Variants in SYNPR observed in about 807,000 individuals in gnomAD.
SYNPR encodes synaptoporin.
Under a neutral mutation model 32.9 loss-of-function variants are expected in SYNPR, and 23 were observed. The observed-to-expected ratio is 0.70, with a 90% CI of 0.50 to 0.99. The LOEUF (loss-of-function observed/expected upper bound fraction) is 0.99. Among genes scored for constraint, SYNPR ranks in the 50% least tolerant of loss-of-function variants. The pLI is 0.00. For synonymous variants in SYNPR, 146 were observed against 135.9 expected (o/e 1.07, Z -0.52); for missense variants, 318 against 349.3 (o/e 0.91, Z 0.71).
At chr3:63,333,376 G>C (rs578027582) in intron 2 of SYNPR, among the ~76,000 whole-genome samples, 73 of 151,810 alleles carry the variant, frequency 4.8e-4, no homozygotes, top group Non-Finnish European at 8.8e-5. Context: ...CAATTTCAAG[G>C]GAAGGAAAGG....
At chr3:63,390,624 G>A (rs538221794) in intron 2 of SYNPR, among the ~76,000 whole-genome samples, 4 of 152,340 alleles carry the variant, frequency 2.6e-5, no homozygotes, top group South Asian at 4.1e-4. Context: ...TGGGAAAAAC[G>A]TTTAATTCCT....
intron 2 of SYNPR, among the ~76,000 whole-genome samples, chr3:63,385,085 A>G (rs928310163): frequency 6.6e-6 from 1 of 152,036 alleles, no homozygotes; most frequent in Non-Finnish European, 1.5e-5. Flanking sequence ...CATCTACCCT[A>G]CTTTCTCAAT....
chr3:63,412,525 G>C (rs1238471073), intron 2 of SYNPR, among the ~76,000 whole-genome samples: 1 of 152,094 alleles, frequency 6.6e-6, no homozygotes, highest in Non-Finnish European at 1.5e-5. Flanking sequence ...ACATATAAAA[G>C]TCAATAGACA....
intron 2 of SYNPR, among the ~76,000 whole-genome samples, chr3:63,323,162 T>G (rs2087128937): frequency 6.6e-6 from 1 of 152,144 alleles, no homozygotes; most frequent in South Asian, 2.1e-4. Context: ...GGGGAAGAGC[T>G]TTTGATGTTT....
At chr3:63,522,823 G>T (rs1397557734) in intron 3 of SYNPR, among the ~76,000 whole-genome samples, 1 of 152,144 alleles carries the variant, frequency 6.6e-6, no homozygotes. Context: ...CTGAGCGGAG[G>T]CAGAGAAGAT....
At chr3:63,210,668 G>A in the SYNPR span, among the ~76,000 whole-genome samples, 1 of 152,158 alleles carries the variant, frequency 6.6e-6, no homozygotes, top group East Asian at 1.9e-4. Flanking sequence ...ATGAAGAGAA[G>A]AAGTAAAAAC....
At chr3:63,595,303 T>G (rs1448332330) in intron 4 of SYNPR, among the ~76,000 whole-genome samples, 2 of 152,118 alleles carry the variant, frequency 1.3e-5, no homozygotes, top group Non-Finnish European at 2.9e-5. Context: ...GCAAACTTGA[T>G]GGCTTGACCA....
intron 3 of SYNPR, among the ~76,000 whole-genome samples, chr3:63,500,741 C>T (rs956013807): frequency 2.6e-5 from 4 of 152,096 alleles, no homozygotes; most frequent in African/African-American, 9.7e-5. Flanking sequence ...GATCACTGCT[C>T]ATTCACTGCT....
chr3:63,528,522 G>A (rs1702057180), intron 3 of SYNPR, among the ~76,000 whole-genome samples: 1 of 152,024 alleles, frequency 6.6e-6, no homozygotes, highest in African/African-American at 2.4e-5. Flanking sequence ...CTCCCAGGGC[G>A]GTTACCATTG....
At chr3:63,556,965 G>A (rs1266103144) in intron 4 of SYNPR, among the ~76,000 whole-genome samples, 1 of 152,114 alleles carries the variant, frequency 6.6e-6, no homozygotes, top group African/African-American at 2.4e-5. Flanking sequence ...AAACCCCTCT[G>A]AAATAAATGA....
At chr3:63,434,339 A>G (rs370176644) in intron 2 of SYNPR, among the ~76,000 whole-genome samples, 6 of 152,176 alleles carry the variant, frequency 3.9e-5, no homozygotes, top group African/African-American at 1.4e-4. Flanking sequence ...TGTCATTGTA[A>G]TTTCCATCAG....
At chr3:63,299,430 TTTTGTTTTTTGTA>T (rs1212967714) in intron 2 of SYNPR, among the ~76,000 whole-genome samples, 1 of 152,160 alleles carries the variant, frequency 6.6e-6, no homozygotes, top group African/African-American at 2.4e-5. Flanking sequence ...TTTTGTTTTG[TTTTGTTTTTTGTA>T]TTCAAGGAAG....
At chr3:63,430,159 T>C (rs1217542707) in intron 2 of SYNPR, among the ~76,000 whole-genome samples, 1 of 152,250 alleles carries the variant, frequency 6.6e-6, no homozygotes, top group Non-Finnish European at 1.5e-5. Context: ...ATGCATGACC[T>C]GAGTGAATAA....
At chr3:63,417,532 G>C (rs1417261142) in intron 2 of SYNPR, among the ~76,000 whole-genome samples, 1 of 152,184 alleles carries the variant, frequency 6.6e-6, no homozygotes, top group Non-Finnish European at 1.5e-5. Context: ...CTGTGTGGGG[G>C]CTCCCACCCT....
At chr3:63,360,308 C>T (rs2087638932) in intron 2 of SYNPR, among the ~76,000 whole-genome samples, 1 of 152,200 alleles carries the variant, frequency 6.6e-6, no homozygotes, top group East Asian at 1.9e-4. Flanking sequence ...TGATTCTGAC[C>T]ACTGCTCACC....
At chr3:63,345,019 A>G (rs140204009) in intron 2 of SYNPR, among the ~76,000 whole-genome samples, 48 of 152,294 alleles carry the variant, frequency 3.2e-4, no homozygotes, top group East Asian at 1.2e-3. Flanking sequence ...TATCTCAAAT[A>G]CTAGTCTTAG....
chr3:63,370,962 G>T (rs960117750), intron 2 of SYNPR, among the ~76,000 whole-genome samples: 1 of 152,162 alleles, frequency 6.6e-6, no homozygotes, highest in Non-Finnish European at 1.5e-5. Flanking sequence ...GAAGGAGCTA[G>T]CGTGCACTGC....
At chr3:63,494,434 C>CGT (rs2106722791) in intron 3 of SYNPR, among the ~76,000 whole-genome samples, 1 of 102,630 alleles carries the variant, frequency 9.7e-6, no homozygotes, top group African/African-American at 4.4e-5. Flanking sequence ...TATATATATA[C>CGT]GTATATATAT....
intron 3 of SYNPR, among the ~76,000 whole-genome samples, chr3:63,514,353 TG>T (rs1272987743): frequency 6.6e-6 from 1 of 152,208 alleles, no homozygotes; most frequent in African/African-American, 2.4e-5. Flanking sequence ...TCTTTACACC[TG>T]CTGAAGAAGA....
Sources: gnomAD v4.1 joint callset for allele counts (sites outside exome capture counted in the v4.1 genomes callset) on GRCh38, gnomAD v4.1.1 for gene constraint, MANE v1.5 for transcripts, NCBI Gene and HGNC (gene_info 2026-07-23, HGNC 2026-07-21) for gene names.